CHD1L: variants seen among roughly 807,000 people sequenced by gnomAD.
The protein encoded by CHD1L is ATP-dependent chromatin remodeler CHD1L.
A neutral mutation model predicts 115.9 loss-of-function variants in CHD1L; 118 were observed. The ratio of observed to expected loss-of-function variants is 1.02; its 90% CI spans 0.88 to 1.19. The LOEUF (loss-of-function observed/expected upper bound fraction) is 1.19. Ranked by LOEUF, CHD1L falls within the 50% of genes most tolerant of loss-of-function variation. The pLI, the probability that CHD1L is intolerant of heterozygous loss-of-function variation, is 0.00. For synonymous variants in CHD1L, 411 were observed against 387.1 expected, an observed-to-expected ratio of 1.06 and a Z score of -0.72; for missense variants, 1,179 against 1,065.3, an observed-to-expected ratio of 1.11 and a Z score of -1.49.
chr1:147,254,754 C>A, intron 2 of CHD1L, 116 bp from the exon 3 acceptor site: 2 of 614,070 alleles, frequency 3.3e-6, no homozygotes, highest in Non-Finnish European at 5.4e-6. Context: ...TACAATATTT[C>A]TTTGTAAAAC....
intron 21 of CHD1L, among the ~76,000 whole-genome samples, chr1:147,294,042 T>C (rs1342277268): frequency 1.3e-5 from 2 of 152,224 alleles, no homozygotes; most frequent in Non-Finnish European, 2.9e-5. Context: ...AATCTCCTCT[T>C]GGAGAGTCAC....
the CHD1L span, chr1:147,212,601 T>G: frequency 6.9e-7 from 1 of 1,459,634 alleles, no homozygotes; most frequent in South Asian, 1.3e-5. Context: ...TGTCAAGTCA[T>G]TTGTTTTTTT....
intron 15 of CHD1L, 118 bp downstream of exon 15, chr1:147,280,309 G>T: frequency 9.7e-7 from 1 of 1,028,614 alleles, no homozygotes; most frequent in East Asian, 2.7e-5. Flanking sequence ...TTACCCTATT[G>T]TCATTTGGGC....
the CHD1L span, chr1:147,211,615 A>C: frequency 6.6e-6 from 1 of 152,228 alleles, no homozygotes; most frequent in African/African-American, 2.4e-5. Flanking sequence ...AGAACAACCA[A>C]GACATTTACC....
In CHD1L at chr1:147,275,333, TC is replaced by T; in HGVS notation, c.1271-19del. On this transcript the variant is annotated intron_variant, in intron 12 of 22. Coordinates refer to ENST00000369258, the MANE Select transcript of CHD1L (RefSeq NM_004284.6). ...CTCGTCTTTGTGCTGCTGATTACAT[TC>T]CTTTTTGCATTGTTTTCAGGTGGAG... The T allele has an allele frequency of 2.5e-6, 4 of 1,572,752 alleles. No individual in the cohort carries two copies. Among genetic ancestry groups the T allele is most frequent in the South Asian group, 2.2e-5 (2 of 90,256 alleles).
At chr1:147,178,073 A>G in the CHD1L span, 1 of 1,224,160 alleles carries the variant, frequency 8.2e-7, no homozygotes, top group East Asian at 2.6e-5. Context: ...GTCCCAGTCG[A>G]GCCGCGACCC....
chr1:147,203,012 T>C, the CHD1L span, among the ~76,000 whole-genome samples: 3 of 152,210 alleles, frequency 2.0e-5, no homozygotes, highest in African/African-American at 7.2e-5. Flanking sequence ...AAAATGGTCT[T>C]TCTAAAATGT....
At chr1:147,208,979 A>G in the CHD1L span, 1 of 1,614,142 alleles carries the variant, frequency 6.2e-7, no homozygotes, top group Non-Finnish European at 8.5e-7. Context: ...GAAGAGAACA[A>G]CACATCAGCA....
At chr1:147,292,150 G>C (rs916692561) in intron 20 of CHD1L, among the ~76,000 whole-genome samples, 1 of 152,164 alleles carries the variant, frequency 6.6e-6, no homozygotes, top group African/African-American at 2.4e-5. Flanking sequence ...TTTATCCTCA[G>C]TACCCTACAT....
chr1:147,178,417 A>G, the CHD1L span: 8 of 1,611,328 alleles, frequency 5.0e-6, no homozygotes, highest in African/African-American at 1.3e-5. Context: ...TGGATATCCA[A>G]CCCTGAATAT....
chr1:147,232,769 G>A, the CHD1L span, among the ~76,000 whole-genome samples: 17 of 152,332 alleles, frequency 1.1e-4, no homozygotes, highest in East Asian at 3.9e-4. Context: ...TGGAGGTGCC[G>A]GGATTGCAGA....
intron 2 of CHD1L, among the ~76,000 whole-genome samples, chr1:147,253,013 A>G (rs891220916): frequency 6.6e-6 from 1 of 152,200 alleles, no homozygotes; most frequent in Non-Finnish European, 1.5e-5. Context: ...CTCTAAAAAG[A>G]TATCACCTCC....
At chr1:147,258,793 C>G (rs144647118) in intron 5 of CHD1L, 1 of 152,216 alleles carries the variant, frequency 6.6e-6, no homozygotes, top group East Asian at 1.9e-4. Context: ...TTCCAGTGTT[C>G]TGTTTTACCT....
the CHD1L span, among the ~76,000 whole-genome samples, chr1:147,181,013 G>A: frequency 6.6e-6 from 1 of 152,212 alleles, no homozygotes; most frequent in Non-Finnish European, 1.5e-5. Context: ...AAGATCCCCA[G>A]TAAACGGCAT....
the CHD1L span, among the ~76,000 whole-genome samples, chr1:147,202,165 G>A: frequency 6.6e-6 from 1 of 151,696 alleles, no homozygotes; most frequent in South Asian, 2.1e-4. Context: ...GTATACTTCG[G>A]GCTTGTTATT....
chr1:147,252,747 T>G lies in CHD1L; in HGVS notation c.240+12T>G, dbSNP rs782242894. 1.3e-5 allele frequency: 20 copies of G among 1,590,502 alleles called. No homozygotes were observed. Among genetic ancestry groups the G allele is most frequent in the Non-Finnish European group, 6.0e-6 (7 of 1,159,004 alleles). Reference sequence around the variant, plus strand: ...GGAAGACCTGCCAGGTGTGTTACTATGCGACGAGTACTGCTCACCGCCACT... The same window carrying G: ...GGAAGACCTGCCAGGTGTGTTACTAGGCGACGAGTACTGCTCACCGCCACT... On this transcript the variant is annotated intron_variant, in intron 2 of 22. Transcript: ENST00000369258.
At chr1:147,228,663 C>T in the CHD1L span, among the ~76,000 whole-genome samples, 2 of 152,334 alleles carry the variant, frequency 1.3e-5, no homozygotes, top group South Asian at 4.1e-4. Flanking sequence ...ACATCCTCTC[C>T]AGCACCTGTT....
At chr1:147,288,996 T>C (rs760486273) in intron 19 of CHD1L, among the ~76,000 whole-genome samples, 1 of 152,202 alleles carries the variant, frequency 6.6e-6, no homozygotes, top group Admixed American at 6.5e-5. Flanking sequence ...CCCTCCAGAT[T>C]CCTTAGATAT....
At chr1:147,214,526 G>C in the CHD1L span, among the ~76,000 whole-genome samples, 1 of 151,296 alleles carries the variant, frequency 6.6e-6, no homozygotes, top group Non-Finnish European at 1.5e-5. Flanking sequence ...ACTATTTATA[G>C]TTCCTCTATC....
Sources: gnomAD v4.1 joint callset for allele counts (sites outside exome capture counted in the v4.1 genomes callset) on GRCh38, gnomAD v4.1.1 for gene constraint, MANE v1.5 for transcripts, NCBI Gene and HGNC (gene_info 2026-07-23, HGNC 2026-07-21) for gene names.